The following ZFAND3 variants were observed in gnomAD, a reference collection of about 807,000 sequenced individuals.
ZFAND3 encodes AN1-type zinc finger protein 3.
A neutral mutation model predicts 29.6 loss-of-function variants in ZFAND3; 10 were observed. That is an observed-to-expected ratio of 0.34 (90% confidence interval 0.21 to 0.57). The LOEUF is 0.57. Among genes scored for constraint, ZFAND3 ranks in the 20% least tolerant of loss-of-function variants. The probability of loss-of-function intolerance (pLI) is 0.86; values close to 1 mark genes in which losing one functional copy is unlikely to be tolerated. For synonymous variants in ZFAND3, 128 were observed against 112.6 expected (o/e 1.14, Z -0.87); for missense variants, 230 against 304.5 (o/e 0.76, Z 1.82).
chr6:37,946,327 T>A (rs1421887296), intron 2 of ZFAND3, among the ~76,000 whole-genome samples: 2 of 152,184 alleles, frequency 1.3e-5, no homozygotes, highest in Non-Finnish European at 2.9e-5. Context: ...CATCTGACAT[T>A]ATTAGCGCTT....
chr6:38,100,999 A>G (rs1191778976), intron 4 of ZFAND3, among the ~76,000 whole-genome samples: 1 of 152,240 alleles, frequency 6.6e-6, no homozygotes, highest in Non-Finnish European at 1.5e-5. Flanking sequence ...ACACAGCTAC[A>G]GTACAATTGT....
At chr6:38,126,405 T>C (rs564633919) in intron 5 of ZFAND3, among the ~76,000 whole-genome samples, 1 of 152,356 alleles carries the variant, frequency 6.6e-6, no homozygotes, top group South Asian at 2.1e-4. Flanking sequence ...TTCTCTTGGG[T>C]ATATACATAG....
chr6:38,070,163 G>A (rs984163588), intron 3 of ZFAND3, among the ~76,000 whole-genome samples: 14 of 152,032 alleles, frequency 9.2e-5, no homozygotes, highest in African/African-American at 1.7e-4. Context: ...TGTGGCTTGC[G>A]CCTGTAATCC....
At chr6:38,116,847 A>C in intron 5 of ZFAND3, 108 bp downstream of exon 5, 1 of 1,378,984 alleles carries the variant, frequency 7.3e-7, no homozygotes, top group Non-Finnish European at 9.8e-7. Context: ...GAGTACTGTA[A>C]GTTTGCTACA....
chr6:37,859,048 C>G (rs1272575476), intron 1 of ZFAND3, among the ~76,000 whole-genome samples: 3 of 152,174 alleles, frequency 2.0e-5, no homozygotes, highest in Non-Finnish European at 4.4e-5. Flanking sequence ...TGTTTTAGCC[C>G]TGGCTTCAAC....
At chr6:37,838,335 A>T (rs904350230) in intron 1 of ZFAND3, among the ~76,000 whole-genome samples, 4 of 152,198 alleles carry the variant, frequency 2.6e-5, no homozygotes, top group Admixed American at 6.5e-5. Flanking sequence ...CATAAATTTC[A>T]TCCTTTTGGA....
At chr6:38,061,425 A>C (rs1764236844) in intron 2 of ZFAND3, among the ~76,000 whole-genome samples, 168 bp from the exon 3 acceptor site, 1 of 152,180 alleles carries the variant, frequency 6.6e-6, no homozygotes, top group African/African-American at 2.4e-5. Context: ...ACCTTCCACT[A>C]ATCTTAAACG....
At chr6:37,898,950 T>C (rs1337274130) in intron 1 of ZFAND3, among the ~76,000 whole-genome samples, 3 of 152,146 alleles carry the variant, frequency 2.0e-5, no homozygotes, top group Non-Finnish European at 2.9e-5. Flanking sequence ...GGCTGGAGTT[T>C]AGTGGCGCGA....
At chr6:37,989,236 C>G (rs1255416272) in intron 2 of ZFAND3, among the ~76,000 whole-genome samples, 1 of 152,200 alleles carries the variant, frequency 6.6e-6, no homozygotes, top group Non-Finnish European at 1.5e-5. Flanking sequence ...ATACCAGGTA[C>G]TATCCTAGCA....
intron 1 of ZFAND3, among the ~76,000 whole-genome samples, chr6:37,847,392 G>A (rs1764201210): frequency 6.6e-6 from 1 of 152,012 alleles, no homozygotes; most frequent in Admixed American, 6.6e-5. Flanking sequence ...TGGCCAGCAT[G>A]GTGAAACCCT....
At chr6:37,838,655 A>G (rs1337326684) in intron 1 of ZFAND3, among the ~76,000 whole-genome samples, 1 of 152,082 alleles carries the variant, frequency 6.6e-6, no homozygotes, top group Admixed American at 6.6e-5. Context: ...AGTGTACTTC[A>G]TGTCTTTTTG....
chr6:38,000,606 G>T (rs1012575878), intron 2 of ZFAND3, among the ~76,000 whole-genome samples: 1 of 152,028 alleles, frequency 6.6e-6, no homozygotes, highest in Non-Finnish European at 1.5e-5. Flanking sequence ...CAGGAGAACC[G>T]CCTGGGAAAG....
intron 2 of ZFAND3, among the ~76,000 whole-genome samples, chr6:37,979,054 A>T (rs1291726497): frequency 6.6e-6 from 1 of 150,670 alleles, no homozygotes; most frequent in Non-Finnish European, 1.5e-5. Context: ...TTTCTGTTTC[A>T]TGAATTCTCA....
chr6:37,955,038 A>G (rs1035031288), intron 2 of ZFAND3, among the ~76,000 whole-genome samples: 1 of 152,038 alleles, frequency 6.6e-6, no homozygotes, highest in Non-Finnish European at 1.5e-5. Flanking sequence ...AAATACTCCA[A>G]GGGAGCCCCT....
chr6:38,116,150 C>G (rs1324016885), intron 4 of ZFAND3, among the ~76,000 whole-genome samples: 1 of 152,162 alleles, frequency 6.6e-6, no homozygotes, highest in African/African-American at 2.4e-5. Flanking sequence ...AGTCCCATCT[C>G]TAAAGAATTA....
chr6:37,847,735 C>G (rs867838061), intron 1 of ZFAND3, among the ~76,000 whole-genome samples: 1 of 151,986 alleles, frequency 6.6e-6, no homozygotes, highest in Non-Finnish European at 1.5e-5. Flanking sequence ...CAGTAAACTG[C>G]CTAGAGCCAG....
intron 1 of ZFAND3, among the ~76,000 whole-genome samples, chr6:37,824,260 A>G (rs1358972615): frequency 6.6e-6 from 1 of 152,242 alleles, no homozygotes; most frequent in Non-Finnish European, 1.5e-5. Flanking sequence ...CACTTTCTTT[A>G]GATGAAATAT....
intron 2 of ZFAND3, among the ~76,000 whole-genome samples, chr6:37,984,272 A>G (rs558938569): frequency 6.8e-5 from 10 of 147,686 alleles, no homozygotes; most frequent in African/African-American, 2.5e-4. Flanking sequence ...GCCAATTCTT[A>G]CAATTAGTTA....
intron 2 of ZFAND3, among the ~76,000 whole-genome samples, chr6:38,041,396 A>C (rs1445903943): frequency 6.6e-6 from 1 of 151,822 alleles, no homozygotes; most frequent in African/African-American, 2.4e-5. Context: ...TTAACTGCAT[A>C]ATTTCTTCTG....
Sources: gnomAD v4.1 joint callset for allele counts (sites outside exome capture counted in the v4.1 genomes callset) on GRCh38, gnomAD v4.1.1 for gene constraint, MANE v1.5 for transcripts, NCBI Gene and HGNC (gene_info 2026-07-23, HGNC 2026-07-21) for gene names.